Variants in PDZRN3 observed in about 807,000 individuals in gnomAD.
PDZRN3 encodes the protein E3 ubiquitin-protein ligase PDZRN3.
Under a neutral mutation model 85.7 loss-of-function variants are expected in PDZRN3, and 38 were observed. The observed-to-expected ratio is 0.44, with a 90% CI of 0.34 to 0.58. The LOEUF is 0.58. Among genes scored for constraint, PDZRN3 ranks in the 20% least tolerant of loss-of-function variants. The pLI, the probability that PDZRN3 is intolerant of heterozygous loss-of-function variation, is 0.01. For synonymous variants in PDZRN3, 759 were observed against 638.0 expected, an observed-to-expected ratio of 1.19 and a Z score of -2.86; for missense variants, 1,629 against 1,506.4, an observed-to-expected ratio of 1.08 and a Z score of -1.35.
chr3:73,386,869 C>CA (rs201488979), intron 8 of PDZRN3, among the ~76,000 whole-genome samples: 3,471 of 146,360 alleles, frequency 0.024, 129 homozygotes, highest in African/African-American at 0.085. Flanking sequence ...TCGGCTTTTT[C>CA]AATCGGGTTT....
chr3:73,618,371 C>A (rs77658045), intron 1 of PDZRN3, among the ~76,000 whole-genome samples: 17,365 of 152,146 alleles, frequency 0.11, 1,100 homozygotes, highest in East Asian at 0.18. Context: ...GGAAAAAATT[C>A]TTTTCTTATT....
intron 3 of PDZRN3, among the ~76,000 whole-genome samples, chr3:73,456,385 G>A (rs1332551102): frequency 6.6e-6 from 1 of 152,164 alleles, no homozygotes; most frequent in African/African-American, 2.4e-5. Flanking sequence ...TCCCAAGTGA[G>A]CCAATCTTAT....
chr3:73,517,066 G>A (rs1397989837), intron 3 of PDZRN3, among the ~76,000 whole-genome samples: 1 of 152,170 alleles, frequency 6.6e-6, no homozygotes, highest in East Asian at 1.9e-4. Flanking sequence ...CTTCCCATCT[G>A]GGGCATGTTG....
At chr3:73,402,933 A>G (rs1346001908) in intron 4 of PDZRN3, among the ~76,000 whole-genome samples, 1 of 137,396 alleles carries the variant, frequency 7.3e-6, no homozygotes, top group Non-Finnish European at 1.5e-5. Flanking sequence ...AAAGTCACAC[A>G]TGAAAAGCTT....
chr3:73,537,804 TAAGTA>T (rs1260950767), intron 3 of PDZRN3, among the ~76,000 whole-genome samples: 3 of 150,686 alleles, frequency 2.0e-5, no homozygotes, highest in African/African-American at 7.3e-5. Flanking sequence ...TTTTTTTTTT[TAAGTA>T]AAGACGGGGT....
At chr3:73,447,374 C>T (rs928823360) in intron 3 of PDZRN3, among the ~76,000 whole-genome samples, 2 of 152,080 alleles carry the variant, frequency 1.3e-5, no homozygotes, top group African/African-American at 2.4e-5. Context: ...TCCAGGCCGA[C>T]AGAGGTTTCT....
chr3:73,433,541 C>A, intron 3 of PDZRN3: 2 of 767,156 alleles, frequency 2.6e-6, no homozygotes, highest in South Asian at 1.8e-5. Context: ...AAAATATGCA[C>A]AAAAACACAC....
chr3:73,406,960 C>T (rs888285751), intron 3 of PDZRN3, among the ~76,000 whole-genome samples: 2 of 152,224 alleles, frequency 1.3e-5, no homozygotes, highest in Admixed American at 1.3e-4. Context: ...CACCCATCCT[C>T]ACCCCAATGC....
chr3:73,485,261 G>A (rs1703642106), intron 3 of PDZRN3, among the ~76,000 whole-genome samples: 3 of 150,688 alleles, frequency 2.0e-5, no homozygotes, highest in Non-Finnish European at 3.0e-5. Context: ...TCAGCACTCA[G>A]GAAAATTACC....
chr3:73,555,306 G>A (rs1274499156), intron 3 of PDZRN3, among the ~76,000 whole-genome samples: 2 of 152,130 alleles, frequency 1.3e-5, no homozygotes, highest in African/African-American at 4.8e-5. Context: ...AGGCCCTGGG[G>A]AAGCTCTCGG....
intron 3 of PDZRN3, among the ~76,000 whole-genome samples, chr3:73,519,271 G>A (rs971695023): frequency 2.0e-5 from 3 of 152,192 alleles, no homozygotes; most frequent in African/African-American, 2.4e-5. Context: ...GGAGGCCAGA[G>A]CATACAGCTG....
chr3:73,418,671 C>T (rs1460665312), intron 3 of PDZRN3, among the ~76,000 whole-genome samples: 2 of 152,194 alleles, frequency 1.3e-5, no homozygotes, highest in African/African-American at 4.8e-5. Context: ...GGCCCCCGTC[C>T]TTCCCCACCC....
Position 73,452,281 on chromosome 3 carries a change from A to T in PDZRN3, c.919-47886T>A, listed in dbSNP as rs1307732206. On this transcript the variant is annotated intron_variant, in intron 3 of 9. Transcript: ENST00000263666. ...GTGGTAGGTTAGTAGCACGGTCTCA[A>T]ATAGGGGTGGGGTCACTAAAGAGAG... Among the ~76,000 whole-genome samples the T allele has an allele frequency of 3.3e-5, 5 of 152,112 alleles. No homozygotes were observed. The South Asian group carries it at 1.0e-3, about 32-fold the overall frequency.
At chr3:73,613,516 T>C (rs1702714880) in intron 1 of PDZRN3, among the ~76,000 whole-genome samples, 1 of 151,962 alleles carries the variant, frequency 6.6e-6, no homozygotes, top group Admixed American at 6.6e-5. Context: ...TGCTACACAC[T>C]ACAGACTGCT....
At chr3:73,396,620 C>T (rs1701642886) in intron 5 of PDZRN3, among the ~76,000 whole-genome samples, 2 of 152,200 alleles carry the variant, frequency 1.3e-5, no homozygotes, top group South Asian at 4.1e-4. Flanking sequence ...GCATTTTAGT[C>T]TCCTATTGAA....
rs1347537929 is a variant in PDZRN3, at chr3:73,389,421, C to T, written c.1416+395G>A. ...CTTTTATGGACGAGCCTCTGAAATG[C>T]TTGGTCCAAAGTTAATCTTTCAGAG... On this transcript the variant is annotated intron_variant, in intron 7 of 9. Coordinates refer to ENST00000263666, the MANE Select transcript of PDZRN3 (RefSeq NM_015009.3). Among the ~76,000 whole-genome samples, 4 of 152,178 alleles carry T rather than the reference C, an allele frequency of 2.6e-5. No homozygotes were observed. In the East Asian group the frequency reaches 5.8e-4, roughly 22 times the overall value.
intron 3 of PDZRN3, among the ~76,000 whole-genome samples, chr3:73,590,254 G>A (rs1000204751): frequency 1.1e-5 from 1 of 93,924 alleles, no homozygotes; most frequent in African/African-American, 3.9e-5. Context: ...GGGTGACAAA[G>A]CAAGACTCTG....
intron 3 of PDZRN3, among the ~76,000 whole-genome samples, chr3:73,499,324 A>G (rs1703930036): frequency 6.6e-6 from 1 of 151,854 alleles, no homozygotes; most frequent in Non-Finnish European, 1.5e-5. Flanking sequence ...CAAATTATAA[A>G]CCTACGAGGC....
chr3:73,561,141 G>A (rs1478391260), intron 3 of PDZRN3, among the ~76,000 whole-genome samples: 1 of 152,152 alleles, frequency 6.6e-6, no homozygotes, highest in Non-Finnish European at 1.5e-5. Flanking sequence ...TTGATCTACT[G>A]GATGGCTGAA....
Sources: allele counts gnomAD v4.1 joint callset (sites outside exome capture counted in the v4.1 genomes callset), GRCh38; gene constraint gnomAD v4.1.1; transcripts MANE v1.5; gene names NCBI Gene and HGNC (gene_info 2026-07-23, HGNC 2026-07-21).